TENT4B: variants seen among roughly 807,000 people sequenced by gnomAD.
The protein encoded by TENT4B is terminal nucleotidyltransferase 4B.
TENT4B carries 10 observed loss-of-function variants against 75.0 expected under a neutral mutation model. The ratio of observed to expected loss-of-function variants is 0.13; its 90% CI spans 0.08 to 0.23. TENT4B has a LOEUF of 0.23. TENT4B is among the 10% of genes least tolerant of loss of function. TENT4B has a pLI of 1.00. For missense variants in TENT4B, 579 were observed against 893.8 expected (o/e 0.65, Z 4.49); for synonymous variants, 350 against 357.7 (o/e 0.98, Z 0.24).
At chr16:50,190,959 A>C (rs115622315) in intron 1 of TENT4B, among the ~76,000 whole-genome samples, 5,368 of 152,174 alleles carry the variant, frequency 0.035, 135 homozygotes, top group Middle Eastern at 0.044. Flanking sequence ...AAGTGAAATC[A>C]ACCAGTATTT....
At chr16:50,172,098 C>G (rs1255078154) in intron 1 of TENT4B, among the ~76,000 whole-genome samples, 3 of 151,710 alleles carry the variant, frequency 2.0e-5, no homozygotes, top group African/African-American at 7.3e-5. Context: ...GCCTATAATC[C>G]CAGAACTTTG....
At chr16:50,180,823 G>T (rs541881188) in intron 1 of TENT4B, among the ~76,000 whole-genome samples, 2 of 152,316 alleles carry the variant, frequency 1.3e-5, no homozygotes, top group Non-Finnish European at 2.9e-5. Flanking sequence ...AGAAGGGGCA[G>T]TGGGGTCTAA....
intron 1 of TENT4B, among the ~76,000 whole-genome samples, chr16:50,198,113 T>A (rs1408144357): frequency 2.3e-4 from 23 of 99,604 alleles, no homozygotes; most frequent in Non-Finnish European, 1.6e-4. Flanking sequence ...TGACAGAAAA[T>A]ATAATTAAAA....
At chr16:50,217,403 C>A (rs1008757929) in intron 4 of TENT4B, among the ~76,000 whole-genome samples, 153 bp from the exon 5 acceptor site, 1 of 152,072 alleles carries the variant, frequency 6.6e-6, no homozygotes, top group African/African-American at 2.4e-5. Context: ...TTGTAGCAGA[C>A]CAGGTTTACT....
At chr16:50,227,287 G>A (rs956227428) in intron 10 of TENT4B, among the ~76,000 whole-genome samples, 1 of 152,212 alleles carries the variant, frequency 6.6e-6, no homozygotes, top group South Asian at 2.1e-4. Flanking sequence ...ATGTGACTCT[G>A]ACATGCTGGG....
At chr16:50,209,716 A>G (rs1261518562) in intron 1 of TENT4B, among the ~76,000 whole-genome samples, 1 of 152,196 alleles carries the variant, frequency 6.6e-6, no homozygotes, top group Non-Finnish European at 1.5e-5. Flanking sequence ...AGTGCCAGTC[A>G]CCTGTCAGAG....
At position 50,153,782 on chromosome 16, in the gene TENT4B, G is replaced by A; in HGVS notation, c.161G>A (p.Ser54Asn). ...GASGGGGSSS[S>N]SSTATGGSGS... The stretch of plus-strand genomic sequence containing the variant: ...AGCGGCGGCGGCGGCAGCAGCAGCA[G>A]CAGCAGCACGGCCACCGGCGGGAGC... The change falls in exon 1 of 12, where the codon AGC becomes AAC. Residue 54 changes from serine (S) to asparagine (N), a missense_variant. By Grantham distance (46) the Ser-to-Asn change is conservative. This residue lies in a region of TENT4B where 253 missense variants were observed against 270.1 expected (regional missense o/e 0.94). Transcript: ENST00000561678. 2.6e-6 allele frequency: 3 copies of A among 1,176,224 alleles called. No homozygotes were observed. The highest frequency in any genetic ancestry group is 3.1e-6 in the Non-Finnish European group (3 of 953,048). 72.9% of individuals were successfully genotyped at this position (1,176,224 alleles called of 1,614,324 possible).
chr16:50,228,282 G>A (rs922057404), intron 11 of TENT4B, among the ~76,000 whole-genome samples: 2 of 152,170 alleles, frequency 1.3e-5, no homozygotes, highest in East Asian at 1.9e-4. Context: ...TGTCTCAGTT[G>A]TACATGAAAT....
intron 3 of TENT4B, among the ~76,000 whole-genome samples, chr16:50,214,581 G>A (rs1309400882): frequency 6.6e-6 from 1 of 152,088 alleles, no homozygotes; most frequent in Non-Finnish European, 1.5e-5. Flanking sequence ...GCTTGAACCC[G>A]GGAGGTGAAG....
At chr16:50,203,230 G>A (rs139363032) in intron 1 of TENT4B, among the ~76,000 whole-genome samples, 52 of 152,188 alleles carry the variant, frequency 3.4e-4, no homozygotes, top group African/African-American at 1.3e-3. Flanking sequence ...AAATCTGTAT[G>A]TCATCATCTG....
rs193113734 is a variant in TENT4B, at chr16:50,159,165, T to C, written c.638+4906T>C. Reference sequence around the variant, plus strand: ...TAAGCCCAAGATGTTCATGCCTTTTTTCAGCACTGCATTAGGGCTTATATC... The same window carrying C: ...TAAGCCCAAGATGTTCATGCCTTTTCTCAGCACTGCATTAGGGCTTATATC... On this transcript the variant is annotated intron_variant, in intron 1 of 11. Transcript: ENST00000561678. Among the ~76,000 whole-genome samples, 74 of 152,232 alleles carry C rather than the reference T, an allele frequency of 4.9e-4. 2 individuals carry two copies. Among genetic ancestry groups the C allele is most frequent in the Admixed American group, 1.4e-3 (21 of 15,282 alleles).
intron 1 of TENT4B, among the ~76,000 whole-genome samples, chr16:50,188,626 G>A (rs1031459601): frequency 2.6e-5 from 4 of 152,174 alleles, no homozygotes; most frequent in African/African-American, 7.2e-5. Flanking sequence ...CCCAGTTTAC[G>A]ACATGTCTCA....
At chr16:50,204,983 A>G (rs1423464567) in intron 1 of TENT4B, among the ~76,000 whole-genome samples, 14 of 152,156 alleles carry the variant, frequency 9.2e-5, no homozygotes, top group Non-Finnish European at 1.8e-4. Context: ...CAGCCGGCCC[A>G]TATCACCCTC....
intron 1 of TENT4B, 133 bp downstream of exon 1, chr16:50,154,392 G>T: frequency 7.7e-7 from 1 of 1,298,376 alleles, no homozygotes. Flanking sequence ...TTGCACGGGG[G>T]TGCTGCTGGC....
intron 1 of TENT4B, among the ~76,000 whole-genome samples, chr16:50,166,239 C>T (rs1446053282): frequency 6.6e-6 from 1 of 152,090 alleles, no homozygotes; most frequent in Non-Finnish European, 1.5e-5. Context: ...CGCATGTCAC[C>T]ATGCCTGGCT....
intron 1 of TENT4B, among the ~76,000 whole-genome samples, chr16:50,161,329 A>T (rs2037999172): frequency 6.6e-6 from 1 of 152,166 alleles, no homozygotes; most frequent in African/African-American, 2.4e-5. Context: ...TTTGGGAAAA[A>T]AGCTGAATGT....
At chr16:50,169,403 T>C (rs1470339294) in intron 1 of TENT4B, among the ~76,000 whole-genome samples, 1 of 148,410 alleles carries the variant, frequency 6.7e-6, no homozygotes, top group Non-Finnish European at 1.5e-5. Flanking sequence ...TTTTTTTTTT[T>C]TTTTTTTTTT....
rs934476434 is a variant in TENT4B at position 50,233,370 on chromosome 16, T to C, written c.*4042T>C. 4.9e-5 allele frequency: 48 copies of C among 985,336 alleles called. No individual in the cohort carries two copies. The highest frequency in any genetic ancestry group is 5.7e-5 in the Non-Finnish European group (47 of 829,916). The allele number at this position is 985,336 out of a possible 1,614,324, so 61.0% of individuals were successfully genotyped here. A position where few individuals can be genotyped will look rare whatever the true frequency, so the allele number is the denominator to read the frequency against. On this transcript the variant is annotated 3_prime_UTR_variant, in exon 12 of 12. Coordinates refer to ENST00000561678, the MANE Select transcript of TENT4B (RefSeq NM_001365324.3). Reference sequence around the variant, plus strand: ...TCAAATTTTAATATGCTTCTCGATATTTAACATAGCTAAGAAGCCAGATTT... The same window carrying C: ...TCAAATTTTAATATGCTTCTCGATACTTAACATAGCTAAGAAGCCAGATTT...
Position 50,217,775 on chromosome 16 carries a change from TTTTAAATAGAG to T in TENT4B, c.1038+113_1038+123del, listed in dbSNP as rs1567510161. On this transcript the variant is annotated intron_variant, in intron 5 of 11. Coordinates refer to ENST00000561678, the MANE Select transcript of TENT4B (RefSeq NM_001365324.3). ...GCATGTTGCTGTCTCTCTCTCTCTC[TTTTAAATAGAG>T]CTAGGGTCTCACTCTGTCACCTAGG... 127 of 632,960 alleles carry T rather than the reference TTTTAAATAGAG, an allele frequency of 2.0e-4. 6 individuals carry two copies. Among genetic ancestry groups the T allele is most frequent in the South Asian group, 3.4e-4 (17 of 49,906 alleles). The allele number at this position is 632,960 out of a possible 1,614,324, so 39.2% of individuals were successfully genotyped here.
Sources: gnomAD v4.1 joint callset for allele counts (sites outside exome capture counted in the v4.1 genomes callset) on GRCh38, gnomAD v4.1.1 for gene constraint, gnomAD v4.1.1 regional missense constraint, MANE v1.5 for transcripts, NCBI Gene and HGNC (gene_info 2026-07-23, HGNC 2026-07-21) for gene names.